Variants in DNAH6 observed in about 807,000 individuals in gnomAD.
DNAH6 encodes the protein dynein axonemal heavy chain 6, also known as axonemal beta dynein heavy chain 6.
Under a neutral mutation model 491.4 loss-of-function variants are expected in DNAH6, and 340 were observed. The observed-to-expected ratio is 0.69, with a 90% CI of 0.63 to 0.76. DNAH6 has a LOEUF of 0.76. DNAH6 is among the 30% of genes least tolerant of loss of function. The pLI is 0.00. For synonymous variants in DNAH6, 1,603 were observed against 1,686.1 expected (o/e 0.95, Z 1.21); for missense variants, 4,443 against 4,972.2 (o/e 0.89, Z 3.20).
At chr2:84,667,126 A>G (rs1692210426) in intron 37 of DNAH6, among the ~76,000 whole-genome samples, 2 of 152,184 alleles carry the variant, frequency 1.3e-5, no homozygotes, top group South Asian at 4.1e-4. Flanking sequence ...TAAATGTTAG[A>G]CCTAAAACCA....
At chr2:84,657,228 C>T (rs1339782482) in intron 35 of DNAH6, among the ~76,000 whole-genome samples, 1 of 152,022 alleles carries the variant, frequency 6.6e-6, no homozygotes, top group Non-Finnish European at 1.5e-5. Context: ...GTCTTGATTA[C>T]TGCAGCTGTA....
the DNAH6 span, among the ~76,000 whole-genome samples, chr2:84,463,692 T>G: frequency 3.9e-5 from 6 of 152,310 alleles, 1 homozygote; most frequent in African/African-American, 1.4e-4. Flanking sequence ...TCTGGGTGGC[T>G]GGTGTGTAGA....
Position 84,796,323 on chromosome 2 carries a change from G to A in DNAH6, c.11257G>A (p.Gly3753Ser). 6.6e-7 allele frequency: 1 copy of A among 1,509,302 alleles called. No individual in the cohort carries two copies. Among genetic ancestry groups the A allele is most frequent in the South Asian group, 1.3e-5 (1 of 74,542 alleles). 93.5% of individuals were successfully genotyped at this position (1,509,302 alleles called of 1,614,324 possible). Reference sequence around the variant, plus strand: ...CTTTTCAGGTGAAATTACTTATGGTGGTAGAGTCACAGACAGCTGGGACCA... The same window carrying A: ...CTTTTCAGGTGAAATTACTTATGGTAGTAGAGTCACAGACAGCTGGGACCA... ...IYITGEITYGGRVTDSWDQRC... is the reference protein window; with the variant it reads ...IYITGEITYGSRVTDSWDQRC... The change falls in exon 69 of 77, where the codon GGT becomes AGT. Residue 3753 changes from glycine (G) to serine (S), a missense_variant. By Grantham distance (56) the Gly-to-Ser change is moderately conservative. Transcript: ENST00000389394.
intron 32 of DNAH6, among the ~76,000 whole-genome samples, chr2:84,641,155 A>G (rs936743379): frequency 6.6e-6 from 1 of 152,080 alleles, no homozygotes; most frequent in African/African-American, 2.4e-5. Flanking sequence ...AAACTACTGC[A>G]TCTGGAATCC....
At chr2:84,720,267 CTTTTTTTTTTTTTT>C (rs56944137) in intron 59 of DNAH6, among the ~76,000 whole-genome samples, 2 of 49,480 alleles carry the variant, frequency 4.0e-5, no homozygotes, top group African/African-American at 7.4e-5. Context: ...AAGAGTGCTT[CTTTTTTTTTTTTTT>C]TTTTTTTTTT....
chr2:84,559,356 G>A (rs1233588537), intron 11 of DNAH6, among the ~76,000 whole-genome samples: 1 of 152,010 alleles, frequency 6.6e-6, no homozygotes, highest in Non-Finnish European at 1.5e-5. Context: ...AGAAGATGAG[G>A]CATTATTTGA....
chr2:84,470,229 A>G, the DNAH6 span, among the ~76,000 whole-genome samples: 3 of 152,150 alleles, frequency 2.0e-5, no homozygotes, highest in African/African-American at 7.2e-5. Context: ...ATAGTCCCCT[A>G]TGGGCTGCCA....
intron 17 of DNAH6, among the ~76,000 whole-genome samples, 180 bp downstream of exon 17, chr2:84,594,265 A>G (rs955929687): frequency 6.1e-3 from 11 of 1,804 alleles, no homozygotes; most frequent in Non-Finnish European, 9.6e-3. Context: ...AAAGGTCCTT[A>G]TGTCACTGTA....
intron 64 of DNAH6, among the ~76,000 whole-genome samples, chr2:84,763,714 A>ATGTGTGTGTGTGTG (rs70953906): frequency 2.4e-5 from 3 of 126,896 alleles, no homozygotes; most frequent in Admixed American, 7.9e-5. Context: ...AACTGATAGG[A>ATGTGTGTGTGTGTG]TGTGTGTGTG....
chr2:84,761,783 C>T (rs1230721943), intron 63 of DNAH6, among the ~76,000 whole-genome samples: 1 of 132,682 alleles, frequency 7.5e-6, no homozygotes, highest in Non-Finnish European at 1.6e-5. Context: ...CATACACACA[C>T]ACACATACAC....
At chr2:84,538,831 C>T (rs1212618125) in intron 4 of DNAH6, among the ~76,000 whole-genome samples, 2 of 151,990 alleles carry the variant, frequency 1.3e-5, no homozygotes, top group East Asian at 1.9e-4. Context: ...ACTTTTTAGG[C>T]AGCTTTTAAA....
At chr2:84,475,829 G>T in the DNAH6 span, among the ~76,000 whole-genome samples, 1 of 152,148 alleles carries the variant, frequency 6.6e-6, no homozygotes. Flanking sequence ...TTAGGTCCTT[G>T]TCGGACAGAA....
intron 70 of DNAH6, among the ~76,000 whole-genome samples, chr2:84,804,817 T>A (rs953354067): frequency 2.6e-5 from 4 of 152,194 alleles, no homozygotes; most frequent in African/African-American, 9.6e-5. Flanking sequence ...TTATTTATTT[T>A]TATTTTATTT....
chr2:84,486,398 T>G, the DNAH6 span, among the ~76,000 whole-genome samples: 1 of 152,210 alleles, frequency 6.6e-6, no homozygotes, highest in Non-Finnish European at 1.5e-5. Flanking sequence ...TTCCGCCTCC[T>G]CCAGCTTTAC....
chr2:84,515,744 C>G (rs1043372304), upstream of DNAH6, among the ~76,000 whole-genome samples: 1 of 152,140 alleles, frequency 6.6e-6, no homozygotes, highest in Non-Finnish European at 1.5e-5. Flanking sequence ...TAAGGCATCC[C>G]GAGTAAGCAA....
At chr2:84,699,937 A>G (rs527261290) in intron 48 of DNAH6, among the ~76,000 whole-genome samples, 62 of 147,108 alleles carry the variant, frequency 4.2e-4, no homozygotes, top group African/African-American at 1.6e-3. Context: ...GAATTTAGCA[A>G]TGTGGAAGTT....
chr2:84,517,367 CT>C (rs956507799), intron 1 of DNAH6, among the ~76,000 whole-genome samples: 4 of 152,110 alleles, frequency 2.6e-5, no homozygotes, highest in African/African-American at 9.7e-5. Flanking sequence ...GCCCTCAATT[CT>C]TTTTTTTCCC....
chr2:84,646,821 C>T (rs190132248), intron 33 of DNAH6, among the ~76,000 whole-genome samples: 13 of 152,240 alleles, frequency 8.5e-5, no homozygotes, highest in Middle Eastern at 3.4e-3. Context: ...TGAGGAGTTG[C>T]TTCTTATAGA....
intron 2 of DNAH6, among the ~76,000 whole-genome samples, chr2:84,525,339 A>T (rs1288475084): frequency 6.6e-6 from 1 of 152,058 alleles, no homozygotes; most frequent in Non-Finnish European, 1.5e-5. Flanking sequence ...GTATTCATTG[A>T]TAATTTCAAG....
Sources: gnomAD v4.1 joint callset for allele counts (sites outside exome capture counted in the v4.1 genomes callset) on GRCh38, gnomAD v4.1.1 for gene constraint, MANE v1.5 for transcripts, NCBI Gene and HGNC (gene_info 2026-07-23, HGNC 2026-07-21) for gene names.